The following FOXN2 variants were observed in gnomAD, a reference collection of about 807,000 sequenced individuals.
FOXN2 encodes forkhead box protein N2.
FOXN2 carries 19 observed loss-of-function variants against 41.2 expected under a neutral mutation model. The observed-to-expected ratio is 0.46, with a 90% CI of 0.32 to 0.68. FOXN2 has a LOEUF of 0.68. Among genes scored for constraint, FOXN2 ranks in the 30% least tolerant of loss-of-function variants. The pLI is 0.03. For missense variants in FOXN2, 587 were observed against 509.4 expected (o/e 1.15, Z -1.47); for synonymous variants, 195 against 176.8 (o/e 1.10, Z -0.82).
At chr2:48,321,951 G>A (rs1310984482) in intron 1 of FOXN2, among the ~76,000 whole-genome samples, 4 of 152,092 alleles carry the variant, frequency 2.6e-5, no homozygotes, top group Non-Finnish European at 5.9e-5. Context: ...TAGCAAGTAA[G>A]TTCCTTTTTT....
intron 1 of FOXN2, among the ~76,000 whole-genome samples, chr2:48,315,718 AC>A (rs959480271): frequency 1.3e-5 from 2 of 149,566 alleles, no homozygotes; most frequent in Admixed American, 6.7e-5. Flanking sequence ...ACTTAACTCC[AC>A]CCCCTTTTGC....
intron 3 of FOXN2, among the ~76,000 whole-genome samples, chr2:48,350,565 G>T (rs1472868850): frequency 6.6e-6 from 1 of 152,204 alleles, no homozygotes; most frequent in East Asian, 1.9e-4. Flanking sequence ...ATATAGGCAG[G>T]TTTGTGTCTG....
Position 48,328,617 on chromosome 2 carries a change from C to T in FOXN2, c.-100C>T, listed in dbSNP as rs1441577994. The stretch of plus-strand genomic sequence containing the variant: ...GATGCAGAGGGCTGACTGTACAAGT[C>T]TGTCAAAAAACCAAACTGCTGGTTG... On this transcript the variant is annotated 5_prime_UTR_variant, in exon 2 of 7. Coordinates refer to ENST00000340553, the MANE Select transcript of FOXN2 (RefSeq NM_002158.4). 2 of 152,142 alleles carry T rather than the reference C, an allele frequency of 1.3e-5. No homozygotes were observed. The highest frequency in any genetic ancestry group is 2.9e-5 in the Non-Finnish European group (2 of 68,024). 9.4% of individuals were successfully genotyped at this position (152,142 alleles called of 1,614,324 possible). A position where few individuals can be genotyped will look rare whatever the true frequency, so the allele number is the denominator to read the frequency against.
intron 1 of FOXN2, among the ~76,000 whole-genome samples, chr2:48,322,529 TCC>T (rs1204309539): frequency 6.6e-6 from 1 of 152,044 alleles, no homozygotes; most frequent in Admixed American, 6.6e-5. Flanking sequence ...ATTCTTGCAC[TCC>T]CCCCTCCTTT....
At chr2:48,360,203 AAGAAGACTT>A (rs539784818) in intron 4 of FOXN2, among the ~76,000 whole-genome samples, 94 of 152,236 alleles carry the variant, frequency 6.2e-4, no homozygotes, top group Non-Finnish European at 9.6e-4. Flanking sequence ...CCTTTTTCTA[AAGAAGACTT>A]TAGAGTCTTC....
intron 3 of FOXN2, among the ~76,000 whole-genome samples, chr2:48,349,033 C>G (rs1671286528): frequency 6.6e-6 from 1 of 152,170 alleles, no homozygotes; most frequent in Non-Finnish European, 1.5e-5. Context: ...TGTGCCTCCC[C>G]CAGGAGCAGA....
In FOXN2 at chr2:48,354,074, A is replaced by G. The variant is rs1671635103; in HGVS notation, c.538-4973A>G. 5.3e-5 allele frequency among the ~76,000 whole-genome samples: 8 copies of G among 152,202 alleles called. No homozygotes were observed. The South Asian group carries it at 1.7e-3, about 31-fold the overall frequency. On this transcript the variant is annotated intron_variant, in intron 3 of 6. Transcript: ENST00000340553. ...AACCATCTACTAGGTACTTAGAAAT[A>G]TAGGCAGGAATAGAGGTGATGTGGT...
chr2:48,362,526 G>T, intron 4 of FOXN2, 117 bp from the exon 5 acceptor site: 2 of 773,198 alleles, frequency 2.6e-6, no homozygotes, highest in Non-Finnish European at 4.4e-6. Context: ...CTGAAATCAT[G>T]CCACTGCACT....
At chr2:48,331,204 T>C (rs1468258910) in intron 2 of FOXN2, among the ~76,000 whole-genome samples, 6 of 152,230 alleles carry the variant, frequency 3.9e-5, no homozygotes, top group African/African-American at 1.4e-4. Flanking sequence ...GACTATTGTA[T>C]TTTGTTTTGA....
At chr2:48,327,581 G>C (rs1669759785) in intron 1 of FOXN2, among the ~76,000 whole-genome samples, 1 of 152,080 alleles carries the variant, frequency 6.6e-6, no homozygotes, top group South Asian at 2.1e-4. Context: ...AAGTAGCTGG[G>C]ATTACAGGCA....
At chr2:48,324,936 T>A (rs1158499745) in intron 1 of FOXN2, among the ~76,000 whole-genome samples, 1 of 152,156 alleles carries the variant, frequency 6.6e-6, no homozygotes, top group African/African-American at 2.4e-5. Context: ...TCTTAAATAT[T>A]AGGGTTTGAC....
chr2:48,348,173 C>G lies in FOXN2; in HGVS notation c.537+1422C>G, dbSNP rs141210635. Among the ~76,000 whole-genome samples the G allele has an allele frequency of 3.0e-3, 459 of 152,146 alleles. 2 individuals are homozygous for G. The highest frequency in any genetic ancestry group is 0.01 in the African/African-American group (424 of 41,546). ...TTCTGCCTCACTCCTACTTTTAGGA[C>G]TCCAAGTAAAAATATATTAGACCAT... On this transcript the variant is annotated intron_variant, in intron 3 of 6. Transcript: ENST00000340553.
At chr2:48,346,136 A>T in intron 2 of FOXN2, 65 bp from the exon 3 acceptor site, 1 of 1,391,966 alleles carries the variant, frequency 7.2e-7, no homozygotes, top group Non-Finnish European at 9.8e-7. Flanking sequence ...TTACATATGT[A>T]TTTTCTTTTT....
At chr2:48,366,384 C>G (rs1318889558) in intron 5 of FOXN2, among the ~76,000 whole-genome samples, 1 of 151,450 alleles carries the variant, frequency 6.6e-6, no homozygotes, top group East Asian at 1.9e-4. Flanking sequence ...ATGGAGAACA[C>G]CTGATTATCA....
intron 2 of FOXN2, among the ~76,000 whole-genome samples, chr2:48,337,107 C>T (rs1478654717): frequency 6.6e-6 from 1 of 151,324 alleles, no homozygotes; most frequent in Non-Finnish European, 1.5e-5. Context: ...CCCACTAATC[C>T]TCCACTACCT....
intron 2 of FOXN2, among the ~76,000 whole-genome samples, chr2:48,344,844 C>T (rs925374736): frequency 2.5e-5 from 3 of 118,700 alleles, no homozygotes; most frequent in Middle Eastern, 5.2e-3. Context: ...GGAGGTACCC[C>T]CCCCCCCCAA....
intron 2 of FOXN2, among the ~76,000 whole-genome samples, chr2:48,333,813 G>T (rs577287557): frequency 1.3e-5 from 2 of 152,138 alleles, no homozygotes; most frequent in Admixed American, 1.3e-4. Flanking sequence ...CCTCTTTACT[G>T]TAAATATACA....
chr2:48,335,725 A>C (rs1000828078), intron 2 of FOXN2, among the ~76,000 whole-genome samples: 3 of 152,218 alleles, frequency 2.0e-5, no homozygotes, highest in African/African-American at 7.2e-5. Context: ...GCATCTTATG[A>C]AGTTAAGAAA....
intron 5 of FOXN2, among the ~76,000 whole-genome samples, chr2:48,363,288 A>G (rs921792147): frequency 6.6e-6 from 1 of 152,180 alleles, no homozygotes; most frequent in Non-Finnish European, 1.5e-5. Flanking sequence ...TTAAAAATAG[A>G]AAAAAGCTTA....
Sources: allele counts gnomAD v4.1 joint callset (sites outside exome capture counted in the v4.1 genomes callset), GRCh38; gene constraint gnomAD v4.1.1; transcripts MANE v1.5; gene names NCBI Gene and HGNC (gene_info 2026-07-23, HGNC 2026-07-21).